The following SOX5 variants were observed in gnomAD, a reference collection of about 807,000 sequenced individuals.
The protein encoded by SOX5 is SRY-box transcription factor 5, also known as transcription factor SOX-5.
SOX5 carries 9 observed loss-of-function variants against 92.0 expected under a neutral mutation model. That is an observed-to-expected ratio of 0.10 (90% CI 0.06 to 0.17). The LOEUF (loss-of-function observed/expected upper bound fraction) is 0.17. SOX5 is among the 10% of genes least tolerant of loss of function. The pLI is 1.00. For missense variants in SOX5, 642 were observed against 944.5 expected (o/e 0.68, Z 4.20); for synonymous variants, 344 against 336.3 (o/e 1.02, Z -0.25).
chr12:23,666,663 G>C (rs980023229), intron 6 of SOX5, among the ~76,000 whole-genome samples: 3 of 152,122 alleles, frequency 2.0e-5, no homozygotes, highest in Non-Finnish European at 1.5e-5. Context: ...ACATTGAACA[G>C]TTATTTGTAA....
At chr12:23,549,974 T>C (rs910091878) in intron 11 of SOX5, among the ~76,000 whole-genome samples, 1 of 151,974 alleles carries the variant, frequency 6.6e-6, no homozygotes, top group Non-Finnish European at 1.5e-5. Flanking sequence ...AAATCTGACA[T>C]ACAGAAAACT....
intron 4 of SOX5, among the ~76,000 whole-genome samples, chr12:23,962,607 T>C (rs1947079036): frequency 6.6e-6 from 1 of 152,208 alleles, no homozygotes; most frequent in South Asian, 2.1e-4. Context: ...TTTATTAATT[T>C]TATAATGGCA....
chr12:24,493,030 A>C (rs16927651), intron 1 of SOX5, among the ~76,000 whole-genome samples: 2,620 of 152,300 alleles, frequency 0.017, 34 homozygotes, highest in Middle Eastern at 0.034. Flanking sequence ...TATCTATTTT[A>C]CAAGCTGGTT....
intron 1 of SOX5, among the ~76,000 whole-genome samples, chr12:24,509,455 A>T (rs925223386): frequency 1.3e-5 from 2 of 152,182 alleles, no homozygotes; most frequent in African/African-American, 4.8e-5. Context: ...AGGCAAAAAA[A>T]CCAAAGTGAC....
intron 3 of SOX5, chr12:24,230,566 G>A (rs536893197): frequency 1.3e-5 from 2 of 152,164 alleles, no homozygotes; most frequent in African/African-American, 2.4e-5. Flanking sequence ...CAGGAAAAGT[G>A]CAACCCACTG....
intron 4 of SOX5, among the ~76,000 whole-genome samples, chr12:24,041,337 T>C (rs1956506260): frequency 6.6e-6 from 1 of 152,132 alleles, no homozygotes; most frequent in East Asian, 1.9e-4. Flanking sequence ...ATGATGAGGA[T>C]ACTGAAATTA....
intron 3 of SOX5, among the ~76,000 whole-genome samples, chr12:24,272,835 T>C (rs1317589675): frequency 1.3e-5 from 2 of 152,186 alleles, no homozygotes; most frequent in African/African-American, 2.4e-5. Flanking sequence ...GTAAGTCCTT[T>C]TTCATACTAT....
intron 1 of SOX5, among the ~76,000 whole-genome samples, chr12:24,523,729 C>CA (rs1031008621): frequency 1.3e-5 from 2 of 151,914 alleles, no homozygotes; most frequent in African/African-American, 4.8e-5. Flanking sequence ...ATATCAGACA[C>CA]AAAAAAATCA....
At chr12:23,719,223 A>G (rs2092677447) in intron 6 of SOX5, among the ~76,000 whole-genome samples, 1 of 152,230 alleles carries the variant, frequency 6.6e-6, no homozygotes, top group South Asian at 2.1e-4. Flanking sequence ...GACATGGATG[A>G]GCACAGATTT....
intron 2 of SOX5, among the ~76,000 whole-genome samples, chr12:23,849,605 G>A (rs1320086463): frequency 6.6e-6 from 1 of 152,102 alleles, no homozygotes; most frequent in Non-Finnish European, 1.5e-5. Context: ...TGTTAAGGGT[G>A]AACAAGACAC....
intron 4 of SOX5, among the ~76,000 whole-genome samples, chr12:24,060,734 G>A (rs761163566): frequency 6.6e-6 from 1 of 152,178 alleles, no homozygotes; most frequent in Non-Finnish European, 1.5e-5. Flanking sequence ...CTCTATGCGG[G>A]ACTTCGATAA....
At chr12:24,236,914 A>G (rs1294839710) in intron 3 of SOX5, among the ~76,000 whole-genome samples, 1 of 152,146 alleles carries the variant, frequency 6.6e-6, no homozygotes, top group East Asian at 1.9e-4. Flanking sequence ...CAACTCAAAA[A>G]AAAAAAAATG....
At chr12:24,558,304 G>C (rs1371634244) in intron 1 of SOX5, among the ~76,000 whole-genome samples, 1 of 152,122 alleles carries the variant, frequency 6.6e-6, no homozygotes, top group African/African-American at 2.4e-5. Flanking sequence ...GGTCCTCGCT[G>C]GTAAAGCCTT....
intron 4 of SOX5, among the ~76,000 whole-genome samples, chr12:24,012,146 G>C (rs1001940272): frequency 7.9e-5 from 12 of 152,120 alleles, no homozygotes; most frequent in Middle Eastern, 3.2e-3. Flanking sequence ...AACAGAAATG[G>C]TAAATGTCTA....
chr12:23,887,999 A>G (rs1320512768), intron 2 of SOX5, among the ~76,000 whole-genome samples: 2 of 151,158 alleles, frequency 1.3e-5, no homozygotes, highest in Admixed American at 1.3e-4. Context: ...AACAATTTCA[A>G]GTTAATTTAT....
intron 4 of SOX5, among the ~76,000 whole-genome samples, chr12:24,106,593 C>T (rs1946696095): frequency 6.6e-6 from 1 of 151,900 alleles, no homozygotes; most frequent in African/African-American, 2.4e-5. Flanking sequence ...CAGTTCGAGA[C>T]CAGCCTGGCT....
chr12:23,970,298 A>G (rs1214054436), intron 4 of SOX5, among the ~76,000 whole-genome samples: 2 of 143,944 alleles, frequency 1.4e-5, no homozygotes, highest in African/African-American at 5.0e-5. Flanking sequence ...TGTGTATAAC[A>G]TATATATATA....
chr12:24,087,493 G>C (rs1008724892), intron 4 of SOX5, among the ~76,000 whole-genome samples: 6 of 152,026 alleles, frequency 3.9e-5, no homozygotes, highest in Non-Finnish European at 5.9e-5. Flanking sequence ...GTGTCAGGCA[G>C]ATTTACTTGG....
At chr12:24,046,742 C>G (rs1460590012) in intron 4 of SOX5, among the ~76,000 whole-genome samples, 1 of 142,896 alleles carries the variant, frequency 7.0e-6, no homozygotes, top group Non-Finnish European at 1.5e-5. Context: ...TGCAATGGTG[C>G]GATCTCGGCT....
Sources: gnomAD v4.1 joint callset for allele counts (sites outside exome capture counted in the v4.1 genomes callset) on GRCh38, gnomAD v4.1.1 for gene constraint, MANE v1.5 for transcripts, NCBI Gene and HGNC (gene_info 2026-07-23, HGNC 2026-07-21) for gene names.